Variants in FBXL20 observed in about 807,000 individuals in gnomAD.
FBXL20 encodes F-box/LRR-repeat protein 20.
Under a neutral mutation model 64.0 loss-of-function variants are expected in FBXL20, and 11 were observed. The observed-to-expected ratio is 0.17, with a 90% CI of 0.11 to 0.28. The LOEUF is 0.28. Ranked by LOEUF, FBXL20 falls within the 10% of genes least tolerant of loss-of-function variation. The probability of loss-of-function intolerance (pLI) is 1.00; values close to 1 mark genes in which losing one functional copy is unlikely to be tolerated. For missense variants in FBXL20, 303 were observed against 526.2 expected, an observed-to-expected ratio of 0.58 and a Z score of 4.15; for synonymous variants, 184 against 189.0, an observed-to-expected ratio of 0.97 and a Z score of 0.22.
intron 2 of FBXL20, among the ~76,000 whole-genome samples, chr17:39,312,286 G>A (rs1413906277): frequency 1.3e-5 from 2 of 151,554 alleles, no homozygotes; most frequent in African/African-American, 4.9e-5. Context: ...GTGGTGGCAG[G>A]CACCTCTAAT....
At chr17:39,266,062 ATTCTTTT>A (rs2046788799) in intron 12 of FBXL20, among the ~76,000 whole-genome samples, 1 of 105,576 alleles carries the variant, frequency 9.5e-6, no homozygotes, top group Non-Finnish European at 1.9e-5. Flanking sequence ...TACCTCATTC[ATTCTTTT>A]TTTTTTTTTT....
At chr17:39,304,864 G>A (rs1457457949) in intron 2 of FBXL20, among the ~76,000 whole-genome samples, 1 of 151,902 alleles carries the variant, frequency 6.6e-6, no homozygotes, top group Non-Finnish European at 1.5e-5. Flanking sequence ...TCAAGTGGTT[G>A]TCGTGCCTCA....
intron 2 of FBXL20, among the ~76,000 whole-genome samples, chr17:39,315,964 T>C (rs545324915): frequency 6.6e-6 from 1 of 152,288 alleles, no homozygotes; most frequent in East Asian, 1.9e-4. Context: ...GGCTCATGCC[T>C]GTAATCCCAG....
intron 10 of FBXL20, among the ~76,000 whole-genome samples, chr17:39,272,270 C>T (rs745954681): frequency 2.6e-5 from 4 of 151,480 alleles, no homozygotes; most frequent in Non-Finnish European, 5.9e-5. Context: ...CGTGTAGTCC[C>T]AGCTATCTGA....
intron 6 of FBXL20, among the ~76,000 whole-genome samples, chr17:39,296,342 C>T (rs550104776): frequency 3.3e-5 from 5 of 151,982 alleles, no homozygotes; most frequent in Middle Eastern, 3.4e-3. Flanking sequence ...GGGCGGATCA[C>T]GAGGTCAGGA....
At chr17:39,379,379 A>G (rs1431391974) in intron 1 of FBXL20, among the ~76,000 whole-genome samples, 1 of 151,246 alleles carries the variant, frequency 6.6e-6, no homozygotes, top group East Asian at 1.9e-4. Context: ...AAAGTCAAAC[A>G]TAGAAATTCT....
chr17:39,280,327 C>T (rs1033913217), intron 9 of FBXL20, among the ~76,000 whole-genome samples: 1 of 148,982 alleles, frequency 6.7e-6, no homozygotes, highest in East Asian at 2.0e-4. Flanking sequence ...TGTTTGAACC[C>T]GGGAAGCAGG....
intron 6 of FBXL20, among the ~76,000 whole-genome samples, chr17:39,295,376 C>T (rs550168177): frequency 1.3e-5 from 2 of 152,214 alleles, no homozygotes; most frequent in African/African-American, 4.8e-5. Flanking sequence ...AAGCGATTCT[C>T]ATGCCTCAGC....
chr17:39,379,039 C>T (rs1308092498), intron 1 of FBXL20, among the ~76,000 whole-genome samples: 1 of 150,158 alleles, frequency 6.7e-6, no homozygotes, highest in South Asian at 2.1e-4. Context: ...ACCAGCCTAA[C>T]CAACACGGAG....
chr17:39,334,408 C>T (rs534233095), intron 2 of FBXL20, among the ~76,000 whole-genome samples: 17 of 151,970 alleles, frequency 1.1e-4, no homozygotes, highest in African/African-American at 2.9e-4. Flanking sequence ...CTTCCCTCCA[C>T]TATTGTCCTA....
chr17:39,347,267 ACT>A (rs1404370025), intron 1 of FBXL20, among the ~76,000 whole-genome samples: 1 of 152,154 alleles, frequency 6.6e-6, no homozygotes, highest in Non-Finnish European at 1.5e-5. Context: ...GAATCGCCAC[ACT>A]GTCTTCCACA....
rs1294763296 is a variant in FBXL20, at chr17:39,324,039, A to G, written c.104+19141T>C. Among the ~76,000 whole-genome samples, 4 of 23,524 alleles carry G rather than the reference A, an allele frequency of 1.7e-4. No homozygotes were observed. The South Asian group carries it at 4.6e-3, about 27-fold the overall frequency. 15.4% of individuals were successfully genotyped at this position (23,524 alleles called of 152,430 possible). A position where few individuals can be genotyped will look rare whatever the true frequency, so the allele number is the denominator to read the frequency against. ...TCCCCCCCCCACCCCCTGGCCTCCC[A>G]AAGTGCTGGGATTAAAGGCGTGAGC... On this transcript the variant is annotated intron_variant, in intron 2 of 14. Coordinates refer to ENST00000264658, the MANE Select transcript of FBXL20 (RefSeq NM_032875.3).
rs1190600789 is a variant in FBXL20 at position 39,252,937 on chromosome 17, C to T, written c.*8523G>A. ...TAATGGAACCTGGTGCTAAGTCACC[C>T]CGTAGGCAACTGTGTCGGCTCCAGA... is the stretch of plus-strand genomic sequence containing the variant. On this transcript the variant is annotated 3_prime_UTR_variant, in exon 15 of 15. Transcript: ENST00000264658. The T allele has an allele frequency of 6.6e-6, 1 of 152,056 alleles. No homozygotes were observed. Among genetic ancestry groups the T allele is most frequent in the Non-Finnish European group, 1.5e-5 (1 of 68,018 alleles). 9.4% of individuals were successfully genotyped at this position (152,056 alleles called of 1,614,324 possible). A position where few individuals can be genotyped will look rare whatever the true frequency, so the allele number is the denominator to read the frequency against.
chr17:39,297,363 C>A (rs1423754188), intron 5 of FBXL20, 168 bp from the exon 6 acceptor site: 2 of 431,546 alleles, frequency 4.6e-6, no homozygotes, highest in African/African-American at 2.0e-5. Flanking sequence ...CTTGGCATAC[C>A]ATCCCTAAAA....
rs750605079 is a variant in FBXL20 at position 39,312,568 on chromosome 17, CTTTTTTTTT to C, written c.105-8938_105-8930del. ...TATTTAGCAACCCTTTAAATTCTAT[CTTTTTTTTT>C]TTTTTTTTTTTTTTGAGATGGAGTC... On this transcript the variant is annotated intron_variant, in intron 2 of 14. Transcript: ENST00000264658. Among the ~76,000 whole-genome samples, 5 of 91,716 alleles carry C rather than the reference CTTTTTTTTT, an allele frequency of 5.5e-5. No homozygotes were observed. In the South Asian group the frequency reaches 1.7e-3, roughly 32 times the overall value. The allele number at this position is 91,716 out of a possible 152,430, so 60.2% of individuals were successfully genotyped here.
intron 1 of FBXL20, among the ~76,000 whole-genome samples, chr17:39,368,816 G>T (rs561680552): frequency 4.6e-4 from 70 of 151,822 alleles, no homozygotes; most frequent in Non-Finnish European, 7.2e-4. Context: ...CCACCACACC[G>T]GGCTAATTTT....
At chr17:39,346,664 GACT>G (rs1204140358) in intron 1 of FBXL20, among the ~76,000 whole-genome samples, 1 of 150,692 alleles carries the variant, frequency 6.6e-6, no homozygotes, top group African/African-American at 2.5e-5. Flanking sequence ...GCAACAAACA[GACT>G]ACTAGAAATG....
rs2046693754 is a variant in FBXL20 at position 39,256,188 on chromosome 17, G to A, written c.*5272C>T. 1 of 152,056 alleles carries A rather than the reference G, an allele frequency of 6.6e-6. No individual in the cohort carries two copies. Among genetic ancestry groups the A allele is most frequent in the Non-Finnish European group, 1.5e-5 (1 of 68,032 alleles). The allele number at this position is 152,056 out of a possible 1,614,324, so 9.4% of individuals were successfully genotyped here. The stretch of plus-strand genomic sequence containing the variant: ...ATACAAACATTAGCTGGGCGTGGTG[G>A]TGGGCACCTGTAATCCTGGCCTCTT... On this transcript the variant is annotated 3_prime_UTR_variant, in exon 15 of 15. Transcript: ENST00000264658.
At chr17:39,279,834 G>A (rs1193013822) in intron 9 of FBXL20, among the ~76,000 whole-genome samples, 2 of 152,040 alleles carry the variant, frequency 1.3e-5, no homozygotes, top group Non-Finnish European at 1.5e-5. Flanking sequence ...GGAGGTGAAG[G>A]TGAGCAAAAA....
Sources: gnomAD v4.1 joint callset for allele counts (sites outside exome capture counted in the v4.1 genomes callset) on GRCh38, gnomAD v4.1.1 for gene constraint, MANE v1.5 for transcripts, NCBI Gene and HGNC (gene_info 2026-07-23, HGNC 2026-07-21) for gene names.